FUT8: variants seen among roughly 807,000 people sequenced by gnomAD.
FUT8 encodes fucosyltransferase 8.
A neutral mutation model predicts 71.3 loss-of-function variants in FUT8; 29 were observed. The ratio of observed to expected loss-of-function variants is 0.41; its 90% confidence interval spans 0.30 to 0.55. FUT8 has a LOEUF of 0.55. Among genes scored for constraint, FUT8 ranks in the 20% least tolerant of loss-of-function variants. The probability of loss-of-function intolerance (pLI) is 0.34; values close to 1 mark genes in which losing one functional copy is unlikely to be tolerated. For missense variants in FUT8, 544 were observed against 702.1 expected (o/e 0.77, Z 2.55); for synonymous variants, 254 against 239.3 (o/e 1.06, Z -0.57).
At chr14:65,465,521 T>C (rs1229547241) in intron 2 of FUT8, among the ~76,000 whole-genome samples, 1 of 152,224 alleles carries the variant, frequency 6.6e-6, no homozygotes, top group Non-Finnish European at 1.5e-5. Context: ...AAATATTTTA[T>C]AATTTCTCAA....
chr14:65,699,830 G>C (rs1177871412), intron 7 of FUT8, among the ~76,000 whole-genome samples: 4 of 151,738 alleles, frequency 2.6e-5, no homozygotes, highest in Non-Finnish European at 4.4e-5. Context: ...TTTTTATATA[G>C]GTTAGAGGAA....
At chr14:65,378,837 GTTTTTTTTTTTT>G in the FUT8 span, among the ~76,000 whole-genome samples, 2 of 66,830 alleles carry the variant, frequency 3.0e-5, no homozygotes, top group Admixed American at 2.4e-4. Flanking sequence ...TCACAAGAAG[GTTTTTTTTTTTT>G]TTTTTTTTTT....
intron 1 of FUT8, among the ~76,000 whole-genome samples, chr14:65,418,172 T>G (rs1566734610): frequency 6.6e-6 from 1 of 152,208 alleles, no homozygotes; most frequent in Non-Finnish European, 1.5e-5. Context: ...AGTGCATAAA[T>G]GCTATAACTT....
At chr14:65,388,586 A>AC in the FUT8 span, among the ~76,000 whole-genome samples, 2 of 152,072 alleles carry the variant, frequency 1.3e-5, no homozygotes, top group African/African-American at 4.8e-5. Flanking sequence ...ACATAGTGAA[A>AC]CCCCGTCTCT....
chr14:65,659,489 G>A (rs1453579079), intron 6 of FUT8, among the ~76,000 whole-genome samples: 5 of 152,084 alleles, frequency 3.3e-5, no homozygotes, highest in Non-Finnish European at 7.4e-5. Context: ...TATTTAAAAC[G>A]AAACATTTGG....
At chr14:65,438,953 A>G (rs1315507946) in intron 1 of FUT8, among the ~76,000 whole-genome samples, 1 of 152,256 alleles carries the variant, frequency 6.6e-6, no homozygotes, top group Non-Finnish European at 1.5e-5. Context: ...ACAGTTACAC[A>G]TATTTTATTT....
Position 65,659,289 on chromosome 14 carries a change from G to A in FUT8, c.598-9954G>A, listed in dbSNP as rs533463621. 3.3e-5 allele frequency among the ~76,000 whole-genome samples: 5 copies of A among 152,032 alleles called. No homozygotes were observed. In the East Asian group the frequency reaches 9.7e-4, roughly 29 times the overall value. Reference sequence around the variant, plus strand: ...TTTTTCATGTATGGCTGGCTGCATGGAGAAATGAGACAAAGACTCCGTCTT... The same window carrying A: ...TTTTTCATGTATGGCTGGCTGCATGAAGAAATGAGACAAAGACTCCGTCTT... On this transcript the variant is annotated intron_variant, in intron 6 of 10. Coordinates refer to ENST00000673929, the MANE Select transcript of FUT8 (RefSeq NM_001371533.1).
At chr14:65,651,355 C>T (rs1000604449) in intron 6 of FUT8, among the ~76,000 whole-genome samples, 2 of 152,198 alleles carry the variant, frequency 1.3e-5, no homozygotes, top group Non-Finnish European at 2.9e-5. Flanking sequence ...TGGGGCAGAA[C>T]AGAACAACAC....
the FUT8 span, among the ~76,000 whole-genome samples, chr14:65,360,276 A>T: frequency 1.3e-5 from 2 of 152,250 alleles, no homozygotes; most frequent in Non-Finnish European, 2.9e-5. Context: ...CAGTCTTGCC[A>T]TTAGCTGGGT....
rs185912465 is a variant in FUT8, at chr14:65,533,194, G to A, written c.-227-28143G>A. Among the ~76,000 whole-genome samples the A allele has an allele frequency of 3.2e-4, 49 of 152,134 alleles. No individual in the cohort carries two copies. In the East Asian group the frequency reaches 5.0e-3, roughly 16 times the overall value. On this transcript the variant is annotated intron_variant, in intron 2 of 10. Coordinates refer to ENST00000673929, the MANE Select transcript of FUT8 (RefSeq NM_001371533.1). Reference sequence around the variant, plus strand: ...AGTTTCTCTAATTCTGTAAAATGTCGTTCGTAGTTTGATAGGAATAGCATT... The same window carrying A: ...AGTTTCTCTAATTCTGTAAAATGTCATTCGTAGTTTGATAGGAATAGCATT...
At chr14:65,549,776 A>G (rs1246902630) in intron 2 of FUT8, among the ~76,000 whole-genome samples, 1 of 152,216 alleles carries the variant, frequency 6.6e-6, no homozygotes, top group African/African-American at 2.4e-5. Context: ...GTAGTATCTG[A>G]CAATAAGTCC....
chr14:65,716,423 C>T (rs1241600838), intron 7 of FUT8, among the ~76,000 whole-genome samples: 2 of 141,622 alleles, frequency 1.4e-5, no homozygotes, highest in African/African-American at 2.6e-5. Context: ...TTATTCTAGA[C>T]AGGATTTCTT....
intron 3 of FUT8, among the ~76,000 whole-genome samples, chr14:65,581,374 T>G (rs1361670908): frequency 6.6e-6 from 1 of 152,138 alleles, no homozygotes; most frequent in Non-Finnish European, 1.5e-5. Flanking sequence ...AACCAGTTAG[T>G]CTCAGGTACC....
chr14:65,662,249 A>G (rs1892002260), intron 6 of FUT8, among the ~76,000 whole-genome samples: 1 of 152,068 alleles, frequency 6.6e-6, no homozygotes. Context: ...CCATCTCTAC[A>G]AAAAACTAAA....
intron 6 of FUT8, among the ~76,000 whole-genome samples, chr14:65,659,971 A>G (rs1021689083): frequency 6.6e-6 from 1 of 152,200 alleles, no homozygotes; most frequent in African/African-American, 2.4e-5. Context: ...AAACTTACAG[A>G]GAAAAGTTGA....
chr14:65,740,715 A>G (rs1380291057), intron 10 of FUT8, among the ~76,000 whole-genome samples: 2 of 151,910 alleles, frequency 1.3e-5, no homozygotes, highest in Non-Finnish European at 2.9e-5. Context: ...ATCTCACGAG[A>G]ACTCACTACT....
rs537049219 is a variant in FUT8 at position 65,467,520 on chromosome 14, G to A, written c.-228+11802G>A. 6.7e-5 allele frequency among the ~76,000 whole-genome samples: 10 copies of A among 149,684 alleles called. No homozygotes were observed. The highest frequency in any genetic ancestry group is 2.7e-4 in the Admixed American group (4 of 15,060). On this transcript the variant is annotated intron_variant, in intron 2 of 10. Coordinates refer to ENST00000673929, the MANE Select transcript of FUT8 (RefSeq NM_001371533.1). The surrounding 1 kb of genome is among the most constrained non-coding windows in gnomAD (Gnocchi z 4.1). ...GAGACAGAGTCTCACACTGTCGCCC[G>A]GGCTGGAGTGCAGTGGTGTGATCTT...
chr14:65,439,954 G>GTGTATATATATATATATA, intron 1 of FUT8, among the ~76,000 whole-genome samples: 67 of 74,920 alleles, frequency 8.9e-4, no homozygotes, highest in African/African-American at 1.4e-3. Flanking sequence ...GTGTGTGTGT[G>GTGTATATATATATATATA]TATATATATA....
At chr14:65,673,638 A>T (rs1440207919) in intron 7 of FUT8, among the ~76,000 whole-genome samples, 1 of 152,200 alleles carries the variant, frequency 6.6e-6, no homozygotes, top group East Asian at 1.9e-4. Context: ...TCACTGGGGG[A>T]ACTAGTAGTA....
Sources: allele counts gnomAD v4.1 joint callset (sites outside exome capture counted in the v4.1 genomes callset), GRCh38; gene constraint gnomAD v4.1.1; non-coding constraint Gnocchi (gnomAD v3.1); transcripts MANE v1.5; gene names NCBI Gene and HGNC (gene_info 2026-07-23, HGNC 2026-07-21).